NRDC: variants seen among roughly 807,000 people sequenced by gnomAD.
NRDC encodes the protein nardilysin convertase, also known as nardilysin.
Under a neutral mutation model 147.1 loss-of-function variants are expected in NRDC, and 54 were observed. The observed-to-expected ratio is 0.37, with a 90% CI of 0.29 to 0.46. The LOEUF is 0.46. Among genes scored for constraint, NRDC ranks in the 20% least tolerant of loss-of-function variants. NRDC has a pLI of 1.00. For missense variants in NRDC, 1,082 were observed against 1,370.6 expected (o/e 0.79, Z 3.33); for synonymous variants, 440 against 482.1 (o/e 0.91, Z 1.14).
In NRDC at chr1:51,825,322, G is replaced by C; in HGVS notation, c.1001C>G (p.Ala334Gly). The change falls in exon 6 of 31, where the codon GCT (alanine) becomes GGT (glycine). Residue 334 changes from alanine to glycine, a missense_variant. Physicochemically the swap from Ala to Gly is moderately conservative, Grantham distance 60. Around this residue, in one of 3 missense-constraint regions of NRDC, gnomAD observed 635 missense variants for 923.8 expected, o/e 0.69. Transcript: ENST00000352171. ...TTTTCCCATAGGATGTCCAGGTCTA[G>C]CAAGGCTTCCAAACAACATTTCCTT... ...NRKEMLFGSL[A>G]RPGHPMGKFF... The C allele has an allele frequency of 6.2e-7, 1 of 1,600,736 alleles. No individual in the cohort carries two copies. The highest frequency in any genetic ancestry group is 8.5e-7 in the Non-Finnish European group (1 of 1,176,698).
In NRDC at chr1:51,835,979, G is replaced by A. The variant is rs367630580; in HGVS notation, c.712+152C>T. 20 of 652,118 alleles carry A rather than the reference G, an allele frequency of 3.1e-5. 1 individual carries two copies. The highest frequency in any genetic ancestry group is 8.4e-4 in the Middle Eastern group (2 of 2,386). The allele number at this position is 652,118 out of a possible 1,614,324, so 40.4% of individuals were successfully genotyped here. A position where few individuals can be genotyped will look rare whatever the true frequency, so the allele number is the denominator to read the frequency against. ...AGTACACTCAGATTGTTTCCCCCACGATATTCATAAATCAAGGATTTTTTC... is the reference window on the plus strand; with the variant it reads ...AGTACACTCAGATTGTTTCCCCCACAATATTCATAAATCAAGGATTTTTTC... On this transcript the variant is annotated intron_variant, in intron 3 of 30. Transcript: ENST00000352171.
At chr1:51,849,726 G>A (rs1198472489) in intron 1 of NRDC, among the ~76,000 whole-genome samples, 1 of 151,744 alleles carries the variant, frequency 6.6e-6, no homozygotes, top group Non-Finnish European at 1.5e-5. Flanking sequence ...TGAGGCAGGA[G>A]AATGGTGTGA....
Position 51,820,723 on chromosome 1 carries a change from G to T in NRDC, c.1217+775C>A, listed in dbSNP as rs561362209. On this transcript the variant is annotated intron_variant, in intron 8 of 30. Transcript: ENST00000352171. ...ATAAGTTATTCTAACATTTTATGCT[G>T]GTTTCTAATTATGTATTAGAAGACT... is the stretch of plus-strand genomic sequence containing the variant. 2.0e-5 allele frequency among the ~76,000 whole-genome samples: 3 copies of T among 152,042 alleles called. No individual in the cohort carries two copies. The East Asian group carries it at 5.8e-4, about 29-fold the overall frequency.
chr1:51,876,435 T>C (rs1047572367), intron 1 of NRDC, among the ~76,000 whole-genome samples: 1 of 152,226 alleles, frequency 6.6e-6, no homozygotes, highest in Non-Finnish European at 1.5e-5. Context: ...ACACATAACC[T>C]GAAGATAATT....
intron 1 of NRDC, among the ~76,000 whole-genome samples, chr1:51,846,507 C>G (rs767649881): frequency 1.3e-5 from 2 of 152,226 alleles, no homozygotes; most frequent in East Asian, 3.9e-4. Flanking sequence ...AGCCGCGGAG[C>G]CCCGCGGTGA....
At chr1:51,795,144 C>T (rs1445912239) in intron 22 of NRDC, 1 of 1,387,050 alleles carries the variant, frequency 7.2e-7, no homozygotes, top group Non-Finnish European at 9.5e-7. Context: ...GTTTACCCAA[C>T]TAGGCTGTGG....
intron 7 of NRDC, among the ~76,000 whole-genome samples, chr1:51,822,024 G>T (rs1680232927): frequency 6.6e-6 from 1 of 151,372 alleles, no homozygotes; most frequent in African/African-American, 2.4e-5. Context: ...TTAACTCATA[G>T]GTCTTCTTTT....
chr1:51,846,754 G>A (rs575175176), intron 1 of NRDC, among the ~76,000 whole-genome samples: 19 of 152,218 alleles, frequency 1.2e-4, no homozygotes, highest in Non-Finnish European at 2.4e-4. Context: ...CACCCCAGGA[G>A]CCTGCAGCCT....
chr1:51,850,192 T>A (rs940275036), intron 1 of NRDC, among the ~76,000 whole-genome samples: 40 of 151,464 alleles, frequency 2.6e-4, no homozygotes, highest in African/African-American at 8.5e-4. Context: ...AAAATAATAA[T>A]AAATAAATAA....
chr1:51,849,885 A>G (rs1289658078), intron 1 of NRDC, among the ~76,000 whole-genome samples: 2 of 151,800 alleles, frequency 1.3e-5, no homozygotes, highest in South Asian at 2.1e-4. Context: ...AGGTATAAAA[A>G]TACAGACTTT....
At chr1:51,841,244 A>G (rs1226054720) in intron 1 of NRDC, among the ~76,000 whole-genome samples, 5 of 152,180 alleles carry the variant, frequency 3.3e-5, no homozygotes, top group Admixed American at 2.0e-4. Flanking sequence ...TCTTATCTGC[A>G]AAACTACTGT....
chr1:51,868,658 G>C (rs1227909448), intron 1 of NRDC, among the ~76,000 whole-genome samples: 4 of 152,122 alleles, frequency 2.6e-5, no homozygotes, highest in Non-Finnish European at 5.9e-5. Context: ...AGGATCACTT[G>C]ACTCTAGGAT....
At chr1:51,811,898 A>T (rs1446909495) in intron 15 of NRDC, 96 bp downstream of exon 15, 2 of 712,142 alleles carry the variant, frequency 2.8e-6, no homozygotes, top group African/African-American at 1.8e-5. Context: ...AATATAACTA[A>T]GTTTTCTTCG....
chr1:51,825,547 A>G (rs1680406945), intron 5 of NRDC, among the ~76,000 whole-genome samples, 165 bp from the exon 6 acceptor site: 1 of 152,212 alleles, frequency 6.6e-6, no homozygotes, highest in Non-Finnish European at 1.5e-5. Flanking sequence ...GCCTGGCTCT[A>G]TGACTTAATA....
chr1:51,864,302 A>G (rs1682696966), intron 1 of NRDC, among the ~76,000 whole-genome samples: 1 of 152,220 alleles, frequency 6.6e-6, no homozygotes, highest in South Asian at 2.1e-4. Context: ...TCTCATTACA[A>G]ATCAGATTTA....
rs1557893941 is a variant in NRDC, at chr1:51,790,655, CCCA to C, written c.3052-9_3052-7del. On this transcript the variant is annotated splice_polypyrimidine_tract_variant and splice_region_variant and intron_variant, in intron 28 of 30. Transcript: ENST00000352171. ...AGCTTGATGAGAGCTGTGACCTGTT[CCCA>C]CCAAAAAGAAAGATGCTCAGGTGAG... 6.3e-7 allele frequency: 1 copy of C among 1,596,588 alleles called. No individual in the cohort carries two copies. Among genetic ancestry groups the C allele is most frequent in the Non-Finnish European group, 8.6e-7 (1 of 1,164,130 alleles).
chr1:51,847,894 G>A (rs952790099), intron 1 of NRDC, among the ~76,000 whole-genome samples: 1 of 152,248 alleles, frequency 6.6e-6, no homozygotes, highest in Non-Finnish European at 1.5e-5. Context: ...AAGAGCAAGC[G>A]AGGGCTGTGA....
intron 1 of NRDC, among the ~76,000 whole-genome samples, chr1:51,850,046 G>A (rs1283786765): frequency 1.3e-5 from 2 of 151,580 alleles, no homozygotes; most frequent in African/African-American, 4.8e-5. Flanking sequence ...GGTTGGTGGT[G>A]CGTGCCTGTA....
chr1:51,832,353 T>TA (rs1308941192), intron 4 of NRDC, among the ~76,000 whole-genome samples: 5 of 152,038 alleles, frequency 3.3e-5, no homozygotes, highest in Admixed American at 3.3e-4. Context: ...GGCCAATTTT[T>TA]AAAAAAAATA....
Sources: allele counts gnomAD v4.1 joint callset (sites outside exome capture counted in the v4.1 genomes callset), GRCh38; gene constraint gnomAD v4.1.1; regional missense constraint gnomAD v4.1.1; transcripts MANE v1.5; gene names NCBI Gene and HGNC (gene_info 2026-07-23, HGNC 2026-07-21).